The following GPM6A variants were observed in gnomAD, a reference collection of about 807,000 sequenced individuals.
GPM6A encodes neuronal membrane glycoprotein M6-a.
A neutral mutation model predicts 32.1 loss-of-function variants in GPM6A; 7 were observed. The ratio of observed to expected loss-of-function variants is 0.22; its 90% CI spans 0.12 to 0.41. The LOEUF (loss-of-function observed/expected upper bound fraction) is 0.41, where lower values mean the gene tolerates loss of function less well. Among genes scored for constraint, GPM6A ranks in the 10% least tolerant of loss-of-function variants. GPM6A has a pLI of 1.00. For missense variants in GPM6A, 235 were observed against 347.2 expected, an observed-to-expected ratio of 0.68 and a Z score of 2.57; for synonymous variants, 130 against 123.4, an observed-to-expected ratio of 1.05 and a Z score of -0.35.
At chr4:175,647,657 G>A (rs1391335792) in intron 4 of GPM6A, among the ~76,000 whole-genome samples, 1 of 152,108 alleles carries the variant, frequency 6.6e-6, no homozygotes, top group Non-Finnish European at 1.5e-5. Flanking sequence ...TAAAATAAAA[G>A]ATAGCGTCTA....
chr4:175,776,536 T>G (rs1417256672), intron 1 of GPM6A, among the ~76,000 whole-genome samples: 2 of 152,168 alleles, frequency 1.3e-5, no homozygotes, highest in Non-Finnish European at 2.9e-5. Flanking sequence ...TTGTTCAGTC[T>G]CTAATATATT....
chr4:175,728,670 A>G (rs1221672392), intron 1 of GPM6A, among the ~76,000 whole-genome samples: 1 of 152,200 alleles, frequency 6.6e-6, no homozygotes, highest in Non-Finnish European at 1.5e-5. Flanking sequence ...TGACTCTCAG[A>G]TCACCTTCAG....
At chr4:175,721,543 G>C (rs1195880990) in intron 1 of GPM6A, among the ~76,000 whole-genome samples, 1 of 152,024 alleles carries the variant, frequency 6.6e-6, no homozygotes, top group African/African-American at 2.4e-5. Flanking sequence ...CGAAGGACTG[G>C]TTTTATTATC....
intron 1 of GPM6A, among the ~76,000 whole-genome samples, chr4:175,917,287 C>A (rs1185001723): frequency 6.6e-6 from 1 of 152,042 alleles, no homozygotes; most frequent in East Asian, 1.9e-4. Context: ...CTTTAAGCAT[C>A]CTGAAATTTC....
chr4:175,867,469 G>C (rs1220564611), intron 1 of GPM6A, among the ~76,000 whole-genome samples: 2 of 151,844 alleles, frequency 1.3e-5, no homozygotes, highest in Non-Finnish European at 2.9e-5. Flanking sequence ...TTTACCTAGG[G>C]ATGTACAGTT....
At chr4:175,913,513 C>A (rs1738388548) in intron 1 of GPM6A, among the ~76,000 whole-genome samples, 1 of 152,174 alleles carries the variant, frequency 6.6e-6, no homozygotes, top group Admixed American at 6.5e-5. Context: ...GAATGAAAGT[C>A]CAATCCTTGC....
chr4:175,866,198 C>A (rs1181826568), intron 1 of GPM6A, among the ~76,000 whole-genome samples: 2 of 152,142 alleles, frequency 1.3e-5, no homozygotes, highest in Non-Finnish European at 2.9e-5. Flanking sequence ...CTTATGCCGA[C>A]ACATGCATAG....
intron 1 of GPM6A, chr4:175,962,001 G>C: frequency 1.8e-6 from 1 of 567,962 alleles, no homozygotes. Flanking sequence ...ATATTAACAG[G>C]GGAGCACAAC....
At chr4:175,771,530 C>A (rs1032323565) in intron 1 of GPM6A, among the ~76,000 whole-genome samples, 12 of 130,068 alleles carry the variant, frequency 9.2e-5, no homozygotes, top group Admixed American at 7.2e-4. Context: ...CCAGCCTGGG[C>A]GACAGAGTGA....
chr4:175,962,144 G>A, intron 1 of GPM6A: 1 of 818,478 alleles, frequency 1.2e-6, no homozygotes, highest in Non-Finnish European at 2.2e-6. Context: ...CAATGTTACA[G>A]GACATCAAGC....
chr4:175,640,929 T>C, intron 4 of GPM6A, 100 bp from the exon 5 acceptor site: 1 of 705,062 alleles, frequency 1.4e-6, no homozygotes, highest in South Asian at 1.6e-5. Flanking sequence ...GCAAGTTCCA[T>C]TTTATCTTAT....
At chr4:175,676,078 T>C (rs1452639900) in intron 2 of GPM6A, among the ~76,000 whole-genome samples, 1 of 152,130 alleles carries the variant, frequency 6.6e-6, no homozygotes, top group Non-Finnish European at 1.5e-5. Flanking sequence ...TTTTCTAAGA[T>C]GCTTTCCTGC....
At chr4:175,965,569 A>C (rs1303467393) in intron 1 of GPM6A, among the ~76,000 whole-genome samples, 1 of 152,098 alleles carries the variant, frequency 6.6e-6, no homozygotes, top group Non-Finnish European at 1.5e-5. Flanking sequence ...AAAAGAGAAA[A>C]GAAACAAATC....
chr4:175,826,318 T>C (rs1735436969), intron 1 of GPM6A, among the ~76,000 whole-genome samples: 1 of 145,034 alleles, frequency 6.9e-6, no homozygotes, highest in Admixed American at 7.1e-5. Context: ...CCTCCTCCCC[T>C]GCTCAGTGGC....
At chr4:175,862,871 C>G (rs144611219) in intron 1 of GPM6A, among the ~76,000 whole-genome samples, 1 of 151,912 alleles carries the variant, frequency 6.6e-6, no homozygotes, top group African/African-American at 2.4e-5. Flanking sequence ...GTTGCTGTTG[C>G]GAATAGGGTC....
intron 1 of GPM6A, among the ~76,000 whole-genome samples, chr4:175,716,716 C>A (rs1745861810): frequency 6.6e-6 from 1 of 152,060 alleles, no homozygotes; most frequent in African/African-American, 2.4e-5. Context: ...CCAAACAGGG[C>A]AAGCTGAAGA....
At chr4:175,778,652 A>G (rs1302911473) in intron 1 of GPM6A, among the ~76,000 whole-genome samples, 8 of 133,682 alleles carry the variant, frequency 6.0e-5, no homozygotes, top group Admixed American at 3.8e-4. Flanking sequence ...AAAAAAAAAG[A>G]AAAAGAAAAA....
At chr4:175,956,084 T>C (rs1314786098) in intron 1 of GPM6A, among the ~76,000 whole-genome samples, 1 of 152,154 alleles carries the variant, frequency 6.6e-6, no homozygotes, top group East Asian at 1.9e-4. Flanking sequence ...ATGGGCGCCA[T>C]AGTGCACGTG....
intron 6 of GPM6A, among the ~76,000 whole-genome samples, chr4:175,636,217 T>C (rs1740576673): frequency 6.8e-6 from 1 of 146,718 alleles, no homozygotes; most frequent in South Asian, 2.2e-4. Flanking sequence ...GTGAGTTATA[T>C]TCTTGTACAT....
Sources: gnomAD v4.1 joint callset for allele counts (sites outside exome capture counted in the v4.1 genomes callset) on GRCh38, gnomAD v4.1.1 for gene constraint, MANE v1.5 for transcripts, NCBI Gene and HGNC (gene_info 2026-07-23, HGNC 2026-07-21) for gene names.